Variants in CNIH3 observed in about 807,000 individuals in gnomAD.
CNIH3 encodes the protein protein cornichon homolog 3.
In CNIH3, 14 loss-of-function variants were observed where a neutral mutation model predicts 24.1. The observed-to-expected ratio is 0.58, with a 90% CI of 0.38 to 0.91. The LOEUF (loss-of-function observed/expected upper bound fraction) is 0.91, where lower values mean the gene tolerates loss of function less well. Among genes scored for constraint, CNIH3 ranks in the 40% least tolerant of loss-of-function variants. CNIH3 has a pLI of 0.00. For synonymous variants in CNIH3, 68 were observed against 73.8 expected, an observed-to-expected ratio of 0.92 and a Z score of 0.40; for missense variants, 178 against 196.8, an observed-to-expected ratio of 0.90 and a Z score of 0.57.
chr1:224,720,600 C>G (rs1015371081), intron 3 of CNIH3, among the ~76,000 whole-genome samples: 1 of 152,152 alleles, frequency 6.6e-6, no homozygotes. Flanking sequence ...AAATTCCCAT[C>G]GAGCTCTAGG....
chr1:224,732,936 C>G (rs1689412657), intron 4 of CNIH3, among the ~76,000 whole-genome samples: 1 of 151,936 alleles, frequency 6.6e-6, no homozygotes, highest in Non-Finnish European at 1.5e-5. Flanking sequence ...AGTAAGTTCT[C>G]AGAACATGAA....
downstream of CNIH3, among the ~76,000 whole-genome samples, chr1:224,542,392 G>T (rs545137534): frequency 2.6e-5 from 4 of 152,282 alleles, no homozygotes; most frequent in South Asian, 6.2e-4. Context: ...AAAATGGAAT[G>T]ATCAAACTCT....
intron 3 of CNIH3, among the ~76,000 whole-genome samples, chr1:224,707,541 A>G (rs1044140037): frequency 2.0e-4 from 30 of 150,296 alleles, no homozygotes; most frequent in Non-Finnish European, 4.1e-4. Flanking sequence ...GGCTTGGCCA[A>G]TGAGCAATGT....
chr1:224,542,314 C>A (rs190218404), downstream of CNIH3, among the ~76,000 whole-genome samples: 1 of 152,164 alleles, frequency 6.6e-6, no homozygotes, highest in East Asian at 1.9e-4. Flanking sequence ...GCCCTAGCAA[C>A]GATTTTGTAC....
intron 1 of CNIH3, chr1:224,434,954 C>T (rs975029580): frequency 3.0e-6 from 3 of 985,378 alleles, no homozygotes; most frequent in South Asian, 4.7e-5. Flanking sequence ...CGGCGGGGTC[C>T]GCCCCGACCC....
intron 1 of CNIH3, among the ~76,000 whole-genome samples, chr1:224,621,215 G>A (rs1683261912): frequency 6.6e-6 from 1 of 152,206 alleles, no homozygotes. Flanking sequence ...CTGTTTGAGG[G>A]TTTAAATGGC....
At chr1:224,725,094 C>A (rs1191149780) in intron 3 of CNIH3, among the ~76,000 whole-genome samples, 1 of 152,088 alleles carries the variant, frequency 6.6e-6, no homozygotes, top group Non-Finnish European at 1.5e-5. Context: ...CCTGCAGTAC[C>A]AGCTACTCGG....
chr1:224,477,228 G>A (rs770139695), intron 1 of CNIH3, among the ~76,000 whole-genome samples: 1 of 152,140 alleles, frequency 6.6e-6, no homozygotes, highest in Non-Finnish European at 1.5e-5. Context: ...CGGCTTTCTT[G>A]GTATGTTCCT....
In CNIH3 at chr1:224,739,177, T is replaced by A. The variant is rs760808477; in HGVS notation, c.456-152T>A. ...AAGTAGAAGGGGCACAGTAGTGGAGTTGGCGAGATGCTGTAGTGACAGGAA... is the reference window on the plus strand; with the variant it reads ...AAGTAGAAGGGGCACAGTAGTGGAGATGGCGAGATGCTGTAGTGACAGGAA... On this transcript the variant is annotated intron_variant, in intron 5 of 5. Transcript: ENST00000272133. 8 of 1,380,966 alleles carry A rather than the reference T, an allele frequency of 5.8e-6. No individual in the cohort carries two copies. The East Asian group carries it at 1.0e-4, about 17-fold the overall frequency. 85.5% of individuals were successfully genotyped at this position (1,380,966 alleles called of 1,614,324 possible). A position where few individuals can be genotyped will look rare whatever the true frequency, so the allele number is the denominator to read the frequency against.
intron 3 of CNIH3, among the ~76,000 whole-genome samples, chr1:224,610,908 G>T (rs1282509127): frequency 1.3e-5 from 2 of 152,156 alleles, no homozygotes; most frequent in Admixed American, 6.5e-5. Flanking sequence ...TATACACCAA[G>T]TTGTCAGCAC....
chr1:224,640,808 T>C (rs1301272726), intron 1 of CNIH3, among the ~76,000 whole-genome samples: 10 of 152,098 alleles, frequency 6.6e-5, no homozygotes. Context: ...CCCTTGTGTG[T>C]GTCACCCCTG....
At chr1:224,598,803 C>G (rs907491685) in intron 3 of CNIH3, among the ~76,000 whole-genome samples, 1 of 152,190 alleles carries the variant, frequency 6.6e-6, no homozygotes, top group Non-Finnish European at 1.5e-5. Context: ...AGACTGAATA[C>G]TATTGCACAT....
At chr1:224,734,820 G>A in intron 5 of CNIH3, 114 bp downstream of exon 5, 1 of 1,084,612 alleles carries the variant, frequency 9.2e-7, no homozygotes, top group Non-Finnish European at 1.4e-6. Flanking sequence ...GGGAGTCATG[G>A]CCATTCAGGT....
At chr1:224,636,132 C>G (rs1042896993) in intron 1 of CNIH3, among the ~76,000 whole-genome samples, 1 of 152,204 alleles carries the variant, frequency 6.6e-6, no homozygotes, top group Non-Finnish European at 1.5e-5. Context: ...TGTGGCACCC[C>G]GTTGTTAGAA....
chr1:224,658,706 G>C (rs1685209410), intron 1 of CNIH3, among the ~76,000 whole-genome samples: 1 of 147,802 alleles, frequency 6.8e-6, no homozygotes, highest in Non-Finnish European at 1.5e-5. Context: ...AACTAAACTT[G>C]TCTCTCTCTC....
At chr1:224,692,246 C>T (rs957985328) in intron 3 of CNIH3, among the ~76,000 whole-genome samples, 9 of 152,122 alleles carry the variant, frequency 5.9e-5, no homozygotes, top group Admixed American at 2.0e-4. Flanking sequence ...ATTCAGGCTG[C>T]GGTGAGCCAA....
At chr1:224,736,788 A>T (rs540749197) in intron 5 of CNIH3, among the ~76,000 whole-genome samples, 24 of 152,092 alleles carry the variant, frequency 1.6e-4, no homozygotes, top group African/African-American at 5.8e-4. Flanking sequence ...AGTCTTTCTG[A>T]CTCCAAGTCT....
At position 224,586,234 on chromosome 1, in the gene CNIH3, C is replaced by T. The variant is rs773112148; in HGVS notation, n.621-2127C>T. Among the ~76,000 whole-genome samples, 27 of 152,120 alleles carry T rather than the reference C, an allele frequency of 1.8e-4. 1 individual carries two copies. The highest frequency in any genetic ancestry group is 4.6e-4 in the Admixed American group (7 of 15,272). On this transcript the variant is annotated intron_variant and non_coding_transcript_variant, in intron 5 of 5. Coordinates refer to the CNIH3 transcript ENST00000471578. ...TTTTCATGCTGCTGTTAAAGAGATA[C>T]CCGAGACTGGGCAATTTACAAAAGA...
chr1:224,457,269 C>CTGTGTGTGTGTG (rs746876435), intron 1 of CNIH3, among the ~76,000 whole-genome samples: 1 of 104,628 alleles, frequency 9.6e-6, no homozygotes, highest in African/African-American at 4.6e-5. Flanking sequence ...GCCCTCCTCT[C>CTGTGTGTGTGTG]TCTCTCTGTG....
Sources: gnomAD v4.1 joint callset for allele counts (sites outside exome capture counted in the v4.1 genomes callset) on GRCh38, gnomAD v4.1.1 for gene constraint, MANE v1.5 for transcripts, NCBI Gene and HGNC (gene_info 2026-07-23, HGNC 2026-07-21) for gene names.